TBC1D22A: variants seen among roughly 807,000 people sequenced by gnomAD.
TBC1D22A encodes the protein TBC1 domain family member 22A.
TBC1D22A carries 38 observed loss-of-function variants against 60.2 expected under a neutral mutation model. That is an observed-to-expected ratio of 0.63 (90% CI 0.49 to 0.83). The LOEUF (loss-of-function observed/expected upper bound fraction) is 0.83. Ranked by LOEUF, TBC1D22A falls within the 40% of genes least tolerant of loss-of-function variation. The probability of loss-of-function intolerance (pLI) is 0.00; values close to 1 mark genes in which losing one functional copy is unlikely to be tolerated. For missense variants in TBC1D22A, 628 were observed against 701.0 expected (o/e 0.90, Z 1.18); for synonymous variants, 302 against 281.7 (o/e 1.07, Z -0.72).
In TBC1D22A at chr22:46,857,574, C is replaced by T. The variant is rs2087633851; in HGVS notation, c.638-21079C>T. On this transcript the variant is annotated intron_variant, in intron 4 of 12. Transcript: ENST00000337137. ...GGTTTTTAGTGTGTTTGCAGAATTG[C>T]TTGACTGTCATCACAGTCAATTTCA... 3.3e-5 allele frequency among the ~76,000 whole-genome samples: 5 copies of T among 152,294 alleles called. No individual in the cohort carries two copies. The East Asian group carries it at 9.6e-4, about 29-fold the overall frequency.
chr22:46,803,116 G>C (rs1220621886), intron 4 of TBC1D22A, among the ~76,000 whole-genome samples: 1 of 142,382 alleles, frequency 7.0e-6, no homozygotes, highest in Non-Finnish European at 1.5e-5. Flanking sequence ...TTCACTCTGT[G>C]CTGGGCACTG....
chr22:46,954,726 T>C (rs531118036), intron 8 of TBC1D22A, among the ~76,000 whole-genome samples: 6 of 152,246 alleles, frequency 3.9e-5, no homozygotes, highest in Non-Finnish European at 7.3e-5. Context: ...CATCTACCCA[T>C]TAGGGATCTA....
At chr22:46,772,140 TAC>T (rs1316404010) in intron 1 of TBC1D22A, among the ~76,000 whole-genome samples, 10 of 19,142 alleles carry the variant, frequency 5.2e-4, no homozygotes, top group Non-Finnish European at 1.0e-3. Context: ...TATATATGTA[TAC>T]ACACATATAC....
intron 8 of TBC1D22A, among the ~76,000 whole-genome samples, chr22:46,936,625 T>C (rs1043895510): frequency 1.3e-5 from 2 of 152,220 alleles, no homozygotes; most frequent in Non-Finnish European, 2.9e-5. Flanking sequence ...TCTGTCGGAT[T>C]CTGGACAAGG....
At chr22:46,805,194 G>A (rs904600736) in intron 4 of TBC1D22A, among the ~76,000 whole-genome samples, 1 of 152,192 alleles carries the variant, frequency 6.6e-6, no homozygotes, top group African/African-American at 2.4e-5. Context: ...GCACATGCAT[G>A]GCACATTCTC....
At chr22:46,993,507 G>C (rs1170136835) in intron 9 of TBC1D22A, among the ~76,000 whole-genome samples, 1 of 152,204 alleles carries the variant, frequency 6.6e-6, no homozygotes, top group East Asian at 1.9e-4. Context: ...AAGTGTAGAG[G>C]ATTCTTGCTT....
At chr22:47,165,292 G>T (rs2068159218) in intron 12 of TBC1D22A, among the ~76,000 whole-genome samples, 1 of 152,162 alleles carries the variant, frequency 6.6e-6, no homozygotes, top group Non-Finnish European at 1.5e-5. Context: ...CACCTGCGAA[G>T]GGCTCCTCTG....
chr22:46,904,861 A>G (rs9616148), intron 7 of TBC1D22A, among the ~76,000 whole-genome samples: 16,206 of 124,796 alleles, frequency 0.13, 1,064 homozygotes, highest in Middle Eastern at 0.24. Flanking sequence ...TGCCAGCTCC[A>G]CCTCCCGGGT....
intron 11 of TBC1D22A, among the ~76,000 whole-genome samples, chr22:47,055,543 TG>T (rs1289035557): frequency 4.6e-5 from 7 of 152,130 alleles, no homozygotes; most frequent in African/African-American, 1.7e-4. Flanking sequence ...GGCAAGAATT[TG>T]GAGCCCGACC....
intron 12 of TBC1D22A, among the ~76,000 whole-genome samples, chr22:47,158,590 G>A (rs914251049): frequency 1.4e-4 from 21 of 152,134 alleles, no homozygotes; most frequent in Non-Finnish European, 2.9e-5. Context: ...CCAGTCCTGT[G>A]TGTGGGAGGA....
chr22:47,123,629 AC>A (rs1459497515), intron 12 of TBC1D22A, among the ~76,000 whole-genome samples: 2 of 152,186 alleles, frequency 1.3e-5, no homozygotes, highest in African/African-American at 4.8e-5. Context: ...TTAGCCTTCG[AC>A]AGGCTAATGG....
At chr22:46,840,602 G>A (rs2086710155) in intron 4 of TBC1D22A, among the ~76,000 whole-genome samples, 1 of 152,072 alleles carries the variant, frequency 6.6e-6, no homozygotes, top group Non-Finnish European at 1.5e-5. Flanking sequence ...GCATGGTAGT[G>A]TGCGCCTGTA....
At chr22:47,042,164 T>G (rs1169330483) in intron 11 of TBC1D22A, among the ~76,000 whole-genome samples, 1 of 100,062 alleles carries the variant, frequency 1.0e-5, no homozygotes, top group Non-Finnish European at 1.9e-5. Context: ...TCACAGTGGC[T>G]TCTATTTCTG....
intron 5 of TBC1D22A, among the ~76,000 whole-genome samples, chr22:46,883,454 C>G (rs2067949676): frequency 6.6e-6 from 1 of 152,204 alleles, no homozygotes; most frequent in Admixed American, 6.5e-5. Context: ...AAGGCCTCAA[C>G]TTGCATATGT....
intron 11 of TBC1D22A, among the ~76,000 whole-genome samples, chr22:47,081,120 C>CAAAAAAA (rs34794967): frequency 1.2e-5 from 1 of 83,740 alleles, no homozygotes. Context: ...AACTCCGTCT[C>CAAAAAAA]AAAAAAAAAA....
At chr22:46,895,989 C>T (rs1297926055) in intron 7 of TBC1D22A, among the ~76,000 whole-genome samples, 2 of 152,206 alleles carry the variant, frequency 1.3e-5, no homozygotes, top group Non-Finnish European at 2.9e-5. Context: ...TCCTCTGCAG[C>T]GTGTGAGTGT....
chr22:46,917,235 G>A (rs1294298651), intron 8 of TBC1D22A, among the ~76,000 whole-genome samples: 2 of 152,206 alleles, frequency 1.3e-5, no homozygotes, highest in African/African-American at 4.8e-5. Context: ...AAGAAGGCAG[G>A]TCTAGGATGA....
chr22:46,841,051 T>G (rs1039718937), intron 4 of TBC1D22A, among the ~76,000 whole-genome samples: 5 of 147,246 alleles, frequency 3.4e-5, no homozygotes, highest in African/African-American at 1.3e-4. Context: ...AAAATGGGTG[T>G]GTGTGTGTGT....
At chr22:47,045,858 A>G (rs758810507) in intron 11 of TBC1D22A, among the ~76,000 whole-genome samples, 1 of 152,044 alleles carries the variant, frequency 6.6e-6, no homozygotes, top group East Asian at 1.9e-4. Flanking sequence ...CCCAGAGTCC[A>G]TGCTCCTTCA....
Sources: gnomAD v4.1 joint callset for allele counts (sites outside exome capture counted in the v4.1 genomes callset) on GRCh38, gnomAD v4.1.1 for gene constraint, MANE v1.5 for transcripts, NCBI Gene and HGNC (gene_info 2026-07-23, HGNC 2026-07-21) for gene names.